The following MCUB variants were observed in gnomAD, a reference collection of about 807,000 sequenced individuals.
The protein encoded by MCUB is calcium uniporter regulatory subunit MCUb, mitochondrial.
In MCUB, 46 loss-of-function variants were observed where a neutral mutation model predicts 41.4. The observed-to-expected ratio is 1.11, with a 90% CI of 0.88 to 1.42. The LOEUF (loss-of-function observed/expected upper bound fraction) is 1.42. Among genes scored for constraint, MCUB ranks in the 40% most tolerant of loss-of-function variants. The pLI is 0.00. For synonymous variants in MCUB, 148 were observed against 148.2 expected, an observed-to-expected ratio of 1.00 and a Z score of 0.01; for missense variants, 403 against 404.9, an observed-to-expected ratio of 1.00 and a Z score of 0.04.
intron 1 of MCUB, among the ~76,000 whole-genome samples, chr4:109,567,040 G>T (rs923177197): frequency 6.7e-6 from 1 of 148,754 alleles, no homozygotes; most frequent in Admixed American, 6.8e-5. Context: ...TTGAAGAGTA[G>T]ATGTCTTTTT....
Position 109,619,260 on chromosome 4 carries a change from A to T in MCUB, c.100-39751A>T, listed in dbSNP as rs189560477. On this transcript the variant is annotated intron_variant, in intron 1 of 7. Transcript: ENST00000394650. Reference sequence around the variant, plus strand: ...CCAGCTAATTTTTTTTTGTATTTTTAGTAGAGACATGGTTTCACATGTTGT... The same window carrying T: ...CCAGCTAATTTTTTTTTGTATTTTTTGTAGAGACATGGTTTCACATGTTGT... Among the ~76,000 whole-genome samples the T allele has an allele frequency of 1.5e-3, 228 of 151,916 alleles. 1 individual carries two copies. The highest frequency in any genetic ancestry group is 5.3e-3 in the African/African-American group (219 of 41,436).
chr4:109,674,487 GTAT>G (rs921751016), intron 4 of MCUB, among the ~76,000 whole-genome samples: 3 of 152,212 alleles, frequency 2.0e-5, no homozygotes, highest in Non-Finnish European at 4.4e-5. Flanking sequence ...TTTGGATGTT[GTAT>G]AAGAGTCCTA....
intron 1 of MCUB, among the ~76,000 whole-genome samples, chr4:109,641,508 T>C (rs1317424862): frequency 5.3e-5 from 8 of 152,176 alleles, no homozygotes; most frequent in Non-Finnish European, 1.5e-5. Flanking sequence ...CAGATCACCA[T>C]AACAGATGTA....
chr4:109,673,003 A>G (rs1326027577), intron 4 of MCUB, among the ~76,000 whole-genome samples: 2 of 152,240 alleles, frequency 1.3e-5, no homozygotes, highest in Admixed American at 1.3e-4. Context: ...CGGGATTTTC[A>G]AATACAAACA....
At chr4:109,615,107 G>A (rs1156296400) in intron 1 of MCUB, among the ~76,000 whole-genome samples, 1 of 152,176 alleles carries the variant, frequency 6.6e-6, no homozygotes, top group Non-Finnish European at 1.5e-5. Flanking sequence ...ACTCTGCACA[G>A]CTGGCAAGTG....
At chr4:109,611,299 C>A (rs1364078538) in intron 1 of MCUB, among the ~76,000 whole-genome samples, 3 of 152,186 alleles carry the variant, frequency 2.0e-5, no homozygotes, top group African/African-American at 7.2e-5. Flanking sequence ...GGGCTGTAAC[C>A]ATTTGACCCA....
chr4:109,601,327 C>T (rs553733568), intron 1 of MCUB, among the ~76,000 whole-genome samples: 152 of 152,240 alleles, frequency 1.0e-3, no homozygotes, highest in African/African-American at 3.5e-3. Context: ...CTATCAAATA[C>T]TAGGTCTTAT....
At chr4:109,685,084 C>T in intron 6 of MCUB, 167 bp from the exon 7 acceptor site, 1 of 490,246 alleles carries the variant, frequency 2.0e-6, no homozygotes, top group Non-Finnish European at 3.6e-6. Flanking sequence ...TTAAATGAGA[C>T]TAAATGTTTT....
chr4:109,665,758 A>G (rs1405368867), intron 4 of MCUB, among the ~76,000 whole-genome samples: 2 of 152,164 alleles, frequency 1.3e-5, no homozygotes, highest in African/African-American at 2.4e-5. Context: ...AGAACCCACA[A>G]ATAAGAAGGG....
chr4:109,616,253 A>G (rs988636337), intron 1 of MCUB, among the ~76,000 whole-genome samples: 1 of 150,250 alleles, frequency 6.7e-6, no homozygotes, highest in Non-Finnish European at 1.5e-5. Context: ...CATTGTAGCT[A>G]CCTCCTGCTG....
chr4:109,625,556 T>G (rs967048498), intron 1 of MCUB, among the ~76,000 whole-genome samples: 6 of 152,236 alleles, frequency 3.9e-5, no homozygotes, highest in African/African-American at 1.4e-4. Flanking sequence ...GCTAGGCTAA[T>G]CTTTGAAGTT....
chr4:109,665,899 CAG>C (rs746934786), intron 4 of MCUB, among the ~76,000 whole-genome samples: 18 of 146,538 alleles, frequency 1.2e-4, no homozygotes, highest in Non-Finnish European at 2.4e-4. Flanking sequence ...GGGGGTACAA[CAG>C]GGAAAATACT....
chr4:109,623,410 C>T (rs1728294566), intron 1 of MCUB, among the ~76,000 whole-genome samples: 2 of 152,142 alleles, frequency 1.3e-5, no homozygotes, highest in South Asian at 4.1e-4. Context: ...ATAGGTGATT[C>T]CAGTGCTTCA....
intron 1 of MCUB, among the ~76,000 whole-genome samples, chr4:109,585,885 T>C (rs28748067): frequency 0.21 from 32,261 of 152,102 alleles, 4,796 homozygotes; most frequent in African/African-American, 0.41. Flanking sequence ...ACATTTTTTC[T>C]TTCATTTCAA....
At chr4:109,686,024 A>G (rs541861085) in intron 7 of MCUB, among the ~76,000 whole-genome samples, 40 of 152,364 alleles carry the variant, frequency 2.6e-4, no homozygotes, top group African/African-American at 9.4e-4. Context: ...TGCTCAATGC[A>G]TGCTTGTTTA....
intron 1 of MCUB, among the ~76,000 whole-genome samples, chr4:109,649,280 C>T (rs1728907535): frequency 6.6e-6 from 1 of 152,134 alleles, no homozygotes; most frequent in Non-Finnish European, 1.5e-5. Context: ...TTTTCTTTCT[C>T]CTTTCTTATC....
chr4:109,635,591 C>T (rs1464080190), intron 1 of MCUB, among the ~76,000 whole-genome samples: 1 of 152,190 alleles, frequency 6.6e-6, no homozygotes, highest in Non-Finnish European at 1.5e-5. Flanking sequence ...TCAGACACCG[C>T]CTCCTTCAGT....
intron 7 of MCUB, among the ~76,000 whole-genome samples, chr4:109,686,052 CT>C (rs1402876418): frequency 1.3e-5 from 2 of 152,156 alleles, no homozygotes; most frequent in African/African-American, 2.4e-5. Context: ...GTAATCAAAC[CT>C]TTTGTTATGT....
chr4:109,660,178 C>G lies in MCUB; in HGVS notation c.176-17C>G. 7.9e-7 allele frequency: 1 copy of G among 1,258,188 alleles called. No homozygotes were observed. The highest frequency in any genetic ancestry group is 1.1e-6 in the Non-Finnish European group (1 of 925,462). The allele number at this position is 1,258,188 out of a possible 1,614,324, so 77.9% of individuals were successfully genotyped here. On this transcript the variant is annotated splice_polypyrimidine_tract_variant and intron_variant, in intron 2 of 7. Transcript: ENST00000394650. ...AAGTAAAATTTACTCATTTTTTTTT[C>G]TTTTTTTCCTTAACAGAAATAACAG...
Sources: allele counts gnomAD v4.1 joint callset (sites outside exome capture counted in the v4.1 genomes callset), GRCh38; gene constraint gnomAD v4.1.1; transcripts MANE v1.5; gene names NCBI Gene and HGNC (gene_info 2026-07-23, HGNC 2026-07-21).